The following DPP10 variants were observed in gnomAD, a reference collection of about 807,000 sequenced individuals.
The protein encoded by DPP10 is inactive dipeptidyl peptidase 10.
DPP10 carries 33 observed loss-of-function variants against 120.9 expected under a neutral mutation model. The observed-to-expected ratio is 0.27, with a 90% CI of 0.21 to 0.37. The LOEUF is 0.37. DPP10 is among the 10% of genes least tolerant of loss of function. The pLI, the probability that DPP10 is intolerant of heterozygous loss-of-function variation, is 1.00. For synonymous variants in DPP10, 337 were observed against 326.1 expected (o/e 1.03, Z -0.36); for missense variants, 816 against 942.8 (o/e 0.87, Z 1.76).
chr2:115,016,236 C>A (rs191853961), intron 1 of DPP10, among the ~76,000 whole-genome samples: 1 of 152,036 alleles, frequency 6.6e-6, no homozygotes, highest in Non-Finnish European at 1.5e-5. Context: ...ACCAGCCTGA[C>A]GAAAACAAGC....
At chr2:114,809,773 T>C (rs895012391) in intron 1 of DPP10, among the ~76,000 whole-genome samples, 1 of 152,166 alleles carries the variant, frequency 6.6e-6, no homozygotes, top group Non-Finnish European at 1.5e-5. Context: ...GTCTATTCAA[T>C]GGATCTGCAG....
chr2:114,566,631 G>C (rs1363929999), intron 1 of DPP10, among the ~76,000 whole-genome samples: 1 of 152,132 alleles, frequency 6.6e-6, no homozygotes, highest in Non-Finnish European at 1.5e-5. Flanking sequence ...TTTTAATTCT[G>C]ATTGAATGCT....
At chr2:115,142,699 A>C (rs1253817377) in intron 1 of DPP10, among the ~76,000 whole-genome samples, 1 of 152,100 alleles carries the variant, frequency 6.6e-6, no homozygotes, top group African/African-American at 2.4e-5. Flanking sequence ...ATCTTTCTCT[A>C]TCAGGACCCA....
chr2:115,593,703 G>A (rs988753630), intron 5 of DPP10, among the ~76,000 whole-genome samples: 4 of 152,130 alleles, frequency 2.6e-5, no homozygotes, highest in African/African-American at 9.7e-5. Flanking sequence ...GTATATGACT[G>A]TCTCTTTTGA....
At chr2:115,470,686 C>T (rs78427492) in intron 3 of DPP10, among the ~76,000 whole-genome samples, 1 of 152,106 alleles carries the variant, frequency 6.6e-6, no homozygotes, top group Non-Finnish European at 1.5e-5. Context: ...AAAGCCATTT[C>T]TGCATAATTT....
At chr2:115,030,460 T>G (rs1273857855) in intron 1 of DPP10, among the ~76,000 whole-genome samples, 1 of 152,142 alleles carries the variant, frequency 6.6e-6, no homozygotes. Context: ...CGATTTGTCA[T>G]GTAAGGAGTG....
chr2:115,004,393 G>A (rs527928265), intron 1 of DPP10, among the ~76,000 whole-genome samples: 1 of 152,204 alleles, frequency 6.6e-6, no homozygotes, highest in Non-Finnish European at 1.5e-5. Context: ...AACAGCTCCG[G>A]TCTACAGCTC....
chr2:114,881,562 TATC>T lies in DPP10; in HGVS notation c.61-427673_61-427671del, dbSNP rs1691631496. Among the ~76,000 whole-genome samples, 2 of 139,260 alleles carry T rather than the reference TATC, an allele frequency of 1.4e-5. 1 individual carries two copies. The highest frequency in any genetic ancestry group is 5.2e-5 in the African/African-American group (2 of 38,466). The allele number at this position is 139,260 out of a possible 152,430, so 91.4% of individuals were successfully genotyped here. A position where few individuals can be genotyped will look rare whatever the true frequency, so the allele number is the denominator to read the frequency against. On this transcript the variant is annotated intron_variant, in intron 1 of 25. Coordinates refer to ENST00000410059, the MANE Select transcript of DPP10 (RefSeq NM_020868.6). ...CTATCTATCTAAGTATCTATCTATG[TATC>T]ATCTATCTATCTATCTGTCTGTCTG...
chr2:114,991,810 T>C (rs1175969526), intron 1 of DPP10, among the ~76,000 whole-genome samples: 2 of 152,188 alleles, frequency 1.3e-5, no homozygotes, highest in African/African-American at 4.8e-5. Context: ...AGGGATTGTA[T>C]GGAGGTTGTG....
intron 1 of DPP10, among the ~76,000 whole-genome samples, chr2:114,749,604 T>TTTATTTTATTTTATTTTTG (rs1679006077): frequency 6.6e-5 from 10 of 151,496 alleles, no homozygotes; most frequent in African/African-American, 2.2e-4. Flanking sequence ...TTTTATTTTT[T>TTTATTTTATTTTATTTTTG]GAGACAGAGT....
At chr2:115,740,687 G>T (rs1408236296) in intron 9 of DPP10, among the ~76,000 whole-genome samples, 1 of 152,084 alleles carries the variant, frequency 6.6e-6, no homozygotes, top group African/African-American at 2.4e-5. Flanking sequence ...TAAGAGGGTT[G>T]CAAAAACATC....
intron 1 of DPP10, among the ~76,000 whole-genome samples, chr2:114,512,500 T>G (rs1684229472): frequency 6.6e-6 from 1 of 152,194 alleles, no homozygotes; most frequent in African/African-American, 2.4e-5. Context: ...GATGCACAAC[T>G]TGGAGGTCTC....
chr2:115,729,258 G>GTTCTGGCA (rs1261748605), intron 8 of DPP10, among the ~76,000 whole-genome samples: 2 of 152,164 alleles, frequency 1.3e-5, no homozygotes, highest in Non-Finnish European at 2.9e-5. Context: ...AATCTGGTTA[G>GTTCTGGCA]TTCTGGCAGT....
intron 1 of DPP10, among the ~76,000 whole-genome samples, chr2:114,577,342 C>T (rs983857635): frequency 6.6e-6 from 1 of 152,134 alleles, no homozygotes; most frequent in African/African-American, 2.4e-5. Context: ...TGTTTGTTTG[C>T]GAGTTCCCTT....
intron 1 of DPP10, among the ~76,000 whole-genome samples, chr2:114,922,215 C>T (rs1695247489): frequency 6.6e-6 from 1 of 152,152 alleles, no homozygotes; most frequent in South Asian, 2.1e-4. Context: ...AGAACACTTT[C>T]ATTACCTGAA....
chr2:114,751,312 G>A (rs1264312455), intron 1 of DPP10, among the ~76,000 whole-genome samples: 1 of 152,160 alleles, frequency 6.6e-6, no homozygotes, highest in African/African-American at 2.4e-5. Context: ...GCTTTTGCTA[G>A]TTACAAAGCT....
At position 115,744,341 on chromosome 2, in the gene DPP10, G is replaced by A. The variant is rs867596313; in HGVS notation, c.853-1745G>A. Among the ~76,000 whole-genome samples, 7 of 150,296 alleles carry A rather than the reference G, an allele frequency of 4.7e-5. 1 individual carries two copies. Among genetic ancestry groups the A allele is most frequent in the Admixed American group, 2.1e-4 (3 of 14,132 alleles). ...GCTAAAAATTGAATAGATTAAGGCC[G>A]TTATTTTGAGGGAGAAACATGACAA... On this transcript the variant is annotated intron_variant, in intron 9 of 25. Transcript: ENST00000410059.
intron 1 of DPP10, among the ~76,000 whole-genome samples, chr2:115,261,275 T>G (rs2059240157): frequency 6.6e-6 from 1 of 152,232 alleles, no homozygotes; most frequent in Non-Finnish European, 1.5e-5. Flanking sequence ...TTAAGTCGGC[T>G]AGAAGACCTA....
At chr2:115,319,030 G>A (rs2061934384) in intron 2 of DPP10, among the ~76,000 whole-genome samples, 2 of 152,216 alleles carry the variant, frequency 1.3e-5, no homozygotes, top group East Asian at 3.9e-4. Flanking sequence ...TCATTGAGTA[G>A]TCTTAGCTTG....
Sources: allele counts gnomAD v4.1 joint callset (sites outside exome capture counted in the v4.1 genomes callset), GRCh38; gene constraint gnomAD v4.1.1; transcripts MANE v1.5; gene names NCBI Gene and HGNC (gene_info 2026-07-23, HGNC 2026-07-21).